The following TRPM3 variants were observed in gnomAD, a reference collection of about 807,000 sequenced individuals.
The protein encoded by TRPM3 is long transient receptor potential channel 3.
Under a neutral mutation model 181.2 loss-of-function variants are expected in TRPM3, and 77 were observed. That is an observed-to-expected ratio of 0.42 (90% CI 0.35 to 0.51). The LOEUF is 0.51. Ranked by LOEUF, TRPM3 falls within the 20% of genes least tolerant of loss-of-function variation. TRPM3 has a pLI of 0.01. For synonymous variants in TRPM3, 745 were observed against 796.4 expected, an observed-to-expected ratio of 0.94 and a Z score of 1.09; for missense variants, 1,759 against 2,196.7, an observed-to-expected ratio of 0.80 and a Z score of 3.98.
chr9:71,006,472 A>G (rs2097674927), intron 1 of TRPM3, among the ~76,000 whole-genome samples: 1 of 152,184 alleles, frequency 6.6e-6, no homozygotes, highest in Non-Finnish European at 1.5e-5. Context: ...ATAATGATAC[A>G]CACATATTGA....
intron 1 of TRPM3, among the ~76,000 whole-genome samples, chr9:71,395,939 G>A (rs552759030): frequency 1.3e-5 from 2 of 151,914 alleles, no homozygotes; most frequent in Admixed American, 1.3e-4. Context: ...AGGTGGGAGT[G>A]GGACAAAAAT....
chr9:70,604,932 A>C lies in TRPM3; in HGVS notation c.2668-1462T>G, dbSNP rs549753263. Among the ~76,000 whole-genome samples the C allele has an allele frequency of 2.1e-5, 3 of 145,130 alleles. No individual in the cohort carries two copies. In the South Asian group the frequency reaches 6.6e-4, roughly 32 times the overall value. On this transcript the variant is annotated intron_variant, in intron 19 of 25. Transcript: ENST00000677713. ...CTCCCAAAATGCTGGGATTATAGGC[A>C]TGAGCCACCATGCTCAGCTGAATGG...
chr9:71,387,476 T>C (rs1384404127), intron 1 of TRPM3, among the ~76,000 whole-genome samples: 1 of 152,180 alleles, frequency 6.6e-6, no homozygotes, highest in Non-Finnish European at 1.5e-5. Flanking sequence ...TTTACATCTA[T>C]AAACTGCCTA....
intron 8 of TRPM3, among the ~76,000 whole-genome samples, chr9:70,758,148 C>G (rs1193957630): frequency 6.6e-6 from 1 of 152,168 alleles, no homozygotes; most frequent in Non-Finnish European, 1.5e-5. Flanking sequence ...GATTCAAAAT[C>G]AATGTGCAAA....
intron 22 of TRPM3, among the ~76,000 whole-genome samples, 192 bp from the exon 23 acceptor site, chr9:70,553,502 G>T (rs1422022139): frequency 6.6e-6 from 1 of 152,214 alleles, no homozygotes; most frequent in African/African-American, 2.4e-5. Context: ...TACTGTGGTG[G>T]TGGGGGGCCT....
intron 1 of TRPM3, among the ~76,000 whole-genome samples, chr9:71,030,876 G>A (rs904667090): frequency 6.6e-6 from 1 of 152,102 alleles, no homozygotes; most frequent in African/African-American, 2.4e-5. Flanking sequence ...CATTTATTAT[G>A]CTGATATTGA....
intron 1 of TRPM3, among the ~76,000 whole-genome samples, chr9:71,159,806 T>A (rs2076190432): frequency 6.6e-6 from 1 of 152,134 alleles, no homozygotes; most frequent in African/African-American, 2.4e-5. Context: ...AAATTTTAAA[T>A]CATGTGGAGA....
rs1294952060 is a variant in TRPM3, at chr9:71,168,587, TTTTTTA to T, written c.183+278060_183+278065del. On this transcript the variant is annotated intron_variant, in intron 1 of 24. Transcript: ENST00000357533. ...TTATTTATTTATTTTTGTTTTTTATTTTTTTATTTTTATTTTTATTTATTTTTTTAT... is the reference window on the plus strand; with the variant it reads ...TTATTTATTTATTTTTGTTTTTTATTTTTTTATTTTTATTTATTTTTTTAT... Among the ~76,000 whole-genome samples the T allele has an allele frequency of 1.1e-3, 75 of 68,614 alleles. 2 individuals are homozygous for T. The East Asian group carries it at 0.023, about 21-fold the overall frequency. The allele number at this position is 68,614 out of a possible 152,430, so 45.0% of individuals were successfully genotyped here. A position where few individuals can be genotyped will look rare whatever the true frequency, so the allele number is the denominator to read the frequency against.
At chr9:71,140,906 G>A (rs7847383) in intron 1 of TRPM3, among the ~76,000 whole-genome samples, 11,647 of 152,146 alleles carry the variant, frequency 0.077, 546 homozygotes, top group African/African-American at 0.13. Flanking sequence ...GGGGAGACCC[G>A]GGGGTTTTAA....
rs2040929448 is a variant in TRPM3 at position 70,531,908 on chromosome 9, G to A, written c.*4045C>T. 6.6e-6 allele frequency: 1 copy of A among 152,096 alleles called. No homozygotes were observed. 9.4% of individuals were successfully genotyped at this position (152,096 alleles called of 1,614,324 possible). ...CATCAAGCAGATCAGGAACAAAAAT[G>A]CCCGGTTCACAAAGATGCTAAATAA... On this transcript the variant is annotated 3_prime_UTR_variant, in exon 26 of 26. Transcript: ENST00000677713.
At chr9:71,285,518 G>A (rs1343097958) in intron 1 of TRPM3, among the ~76,000 whole-genome samples, 1 of 152,052 alleles carries the variant, frequency 6.6e-6, no homozygotes, top group Non-Finnish European at 1.5e-5. Flanking sequence ...CTCTGTTTCC[G>A]AGGCTGCCGA....
intron 1 of TRPM3, among the ~76,000 whole-genome samples, chr9:71,039,529 T>C (rs967218253): frequency 1.3e-5 from 2 of 152,114 alleles, no homozygotes; most frequent in African/African-American, 2.4e-5. Context: ...AGAGAACATA[T>C]TGGGTATGGA....
intron 1 of TRPM3, among the ~76,000 whole-genome samples, chr9:71,093,499 C>T (rs903510753): frequency 3.3e-5 from 5 of 152,074 alleles, no homozygotes; most frequent in African/African-American, 1.2e-4. Context: ...CTTATCAGCA[C>T]TGGTCATTAG....
rs142592575 is a variant in TRPM3, at chr9:71,063,897, T to C, written c.177+57281A>G. ...GTGGAAGAGACTGAAAGTCATTGAA[T>C]AGAGATCTAGAAAGGACCCAGAACT... On this transcript the variant is annotated intron_variant, in intron 1 of 25. Coordinates refer to ENST00000677713, the MANE Select transcript of TRPM3 (RefSeq NM_001366145.2). Among the ~76,000 whole-genome samples, 20 of 152,072 alleles carry C rather than the reference T, an allele frequency of 1.3e-4. 1 individual carries two copies. The highest frequency in any genetic ancestry group is 1.2e-3 in the South Asian group (6 of 4,812).
At chr9:71,099,781 A>G (rs1261163633) in intron 1 of TRPM3, among the ~76,000 whole-genome samples, 1 of 152,112 alleles carries the variant, frequency 6.6e-6, no homozygotes, top group Non-Finnish European at 1.5e-5. Flanking sequence ...ACTTTATTTG[A>G]TCTTAACAAC....
chr9:71,050,755 G>A (rs947678615), intron 1 of TRPM3, among the ~76,000 whole-genome samples: 3 of 152,144 alleles, frequency 2.0e-5, no homozygotes, highest in Non-Finnish European at 4.4e-5. Context: ...CCAAGCCCAC[G>A]GAATGCAGGT....
chr9:70,630,499 A>G (rs374905675), intron 12 of TRPM3, among the ~76,000 whole-genome samples: 12 of 152,334 alleles, frequency 7.9e-5, no homozygotes, highest in African/African-American at 2.6e-4. Flanking sequence ...TCCTCTGGAA[A>G]AAGCAGAGAA....
intron 8 of TRPM3, among the ~76,000 whole-genome samples, chr9:70,757,715 C>T (rs1005956382): frequency 2.6e-5 from 4 of 152,096 alleles, no homozygotes; most frequent in Admixed American, 2.0e-4. Flanking sequence ...ATAAACAGAA[C>T]CAATGACAAA....
intron 1 of TRPM3, among the ~76,000 whole-genome samples, chr9:71,371,300 G>C (rs1271271314): frequency 2.0e-5 from 3 of 152,138 alleles, no homozygotes. Flanking sequence ...ATGGATCTGG[G>C]CAAAGTACAT....
Sources: gnomAD v4.1 joint callset for allele counts (sites outside exome capture counted in the v4.1 genomes callset) on GRCh38, gnomAD v4.1.1 for gene constraint, MANE v1.5 for transcripts, NCBI Gene and HGNC (gene_info 2026-07-23, HGNC 2026-07-21) for gene names.